EMSY: variants seen among roughly 807,000 people sequenced by gnomAD.
EMSY encodes EMSY transcriptional repressor, BRCA2 interacting.
A neutral mutation model predicts 134.6 loss-of-function variants in EMSY; 26 were observed. The observed-to-expected ratio is 0.19, with a 90% CI of 0.14 to 0.27. The LOEUF is 0.27. EMSY is among the 10% of genes least tolerant of loss of function. EMSY has a pLI of 1.00. For missense variants in EMSY, 1,305 were observed against 1,611.4 expected (o/e 0.81, Z 3.26); for synonymous variants, 579 against 577.8 (o/e 1.00, Z -0.03).
chr11:76,489,527 C>A (rs1454156953), intron 8 of EMSY, among the ~76,000 whole-genome samples: 2 of 151,860 alleles, frequency 1.3e-5, no homozygotes, highest in Non-Finnish European at 2.9e-5. Flanking sequence ...TTGATGTTAT[C>A]ACCAGTGTTT....
chr11:76,463,995 C>T (rs768688597), exon 7 of EMSY: 1 of 1,614,190 alleles, frequency 6.2e-7, no homozygotes, highest in Admixed American at 1.7e-5. Flanking sequence ...CAGAGCATTG[C>T]CAACTCCTTA....
At chr11:76,503,300 C>CAAAAAAAAAAAAA in intron 9 of EMSY, among the ~76,000 whole-genome samples, 2 of 70,784 alleles carry the variant, frequency 2.8e-5, no homozygotes, top group Non-Finnish European at 5.2e-5. Flanking sequence ...GGCGTGGTCT[C>CAAAAAAAAAAAAA]AAAAAAAAAA....
In EMSY at chr11:76,523,130, C is replaced by T. The variant is rs771554230; in HGVS notation, c.1685-25C>T. 15 of 1,598,212 alleles carry T rather than the reference C, an allele frequency of 9.4e-6. No individual in the cohort carries two copies. The East Asian group carries it at 3.1e-4, about 33-fold the overall frequency. On this transcript the variant is annotated intron_variant, in intron 11 of 20. Transcript: ENST00000334736. Reference sequence around the variant, plus strand: ...AGTATCTCTAGTCCTTAACTCAGGCCTCCTTTTCTTCCCCCTTTTCTAAGG... The same window carrying T: ...AGTATCTCTAGTCCTTAACTCAGGCTTCCTTTTCTTCCCCCTTTTCTAAGG...
At chr11:76,464,111 A>G (rs545309881) in intron 7 of EMSY, 31 bp downstream of exon 8, 3 of 1,612,398 alleles carry the variant, frequency 1.9e-6, no homozygotes, top group South Asian at 1.1e-5. Context: ...CTGCCTGCCA[A>G]TTGTTTCTTT....
At chr11:76,448,783 C>T (rs1306532480) in intron 2 of EMSY, among the ~76,000 whole-genome samples, 4 of 151,754 alleles carry the variant, frequency 2.6e-5, no homozygotes, top group African/African-American at 7.3e-5. Flanking sequence ...ACTCTAGGTC[C>T]AAAGTTTAGA....
At chr11:76,465,822 A>G (rs1030175682) in intron 7 of EMSY, among the ~76,000 whole-genome samples, 6 of 152,220 alleles carry the variant, frequency 3.9e-5, no homozygotes, top group Non-Finnish European at 8.8e-5. Flanking sequence ...CTCTGTGTGT[A>G]TGGGTGGGAC....
intron 4 of EMSY, among the ~76,000 whole-genome samples, chr11:76,455,941 G>C (rs553375983): frequency 6.6e-5 from 10 of 152,144 alleles, no homozygotes; most frequent in Non-Finnish European, 1.5e-4. Flanking sequence ...CAGGATACTG[G>C]GTCAGTTTCT....
chr11:76,462,147 G>C (rs182070816), intron 6 of EMSY, among the ~76,000 whole-genome samples: 1 of 152,230 alleles, frequency 6.6e-6, no homozygotes, highest in African/African-American at 2.4e-5. Context: ...GCTGAGGCAG[G>C]AGAATCACTT....
chr11:76,531,792 C>T (rs186296630), intron 14 of EMSY, among the ~76,000 whole-genome samples: 5 of 152,260 alleles, frequency 3.3e-5, no homozygotes, highest in Admixed American at 3.3e-4. Context: ...TGGCATTCCA[C>T]TATAAGGAAA....
chr11:76,542,760 T>G (rs79965708), intron 18 of EMSY, among the ~76,000 whole-genome samples: 9 of 74,238 alleles, frequency 1.2e-4, no homozygotes, highest in Non-Finnish European at 1.7e-4. Flanking sequence ...TTTGTTTTTT[T>G]TTTTTTTTGC....
At chr11:76,458,463 T>A in intron 5 of EMSY, 105 bp downstream of exon 6, 1 of 1,188,210 alleles carries the variant, frequency 8.4e-7, no homozygotes, top group Non-Finnish European at 1.1e-6. Context: ...TTCTAGTGTT[T>A]AAAGGTTATG....
chr11:76,468,015 A>G (rs1948427949), intron 7 of EMSY, among the ~76,000 whole-genome samples: 1 of 151,862 alleles, frequency 6.6e-6, no homozygotes, highest in Admixed American at 6.6e-5. Flanking sequence ...TTAACGTAGT[A>G]CATACAGTGA....
chr11:76,497,338 A>G (rs1949695993), intron 9 of EMSY: 2 of 152,150 alleles, frequency 1.3e-5, no homozygotes, highest in South Asian at 4.1e-4. Flanking sequence ...GCCTTTGTCC[A>G]ATTTTGGTCA....
chr11:76,495,474 A>C (rs1032543077), intron 8 of EMSY, among the ~76,000 whole-genome samples: 13 of 152,206 alleles, frequency 8.5e-5, no homozygotes, highest in African/African-American at 2.7e-4. Context: ...AACCTGCGAG[A>C]GGGAAGAATA....
chr11:76,540,205 G>T (rs1951381986), intron 17 of EMSY, among the ~76,000 whole-genome samples: 1 of 152,080 alleles, frequency 6.6e-6, no homozygotes, highest in African/African-American at 2.4e-5. Flanking sequence ...GGTGGTAGAA[G>T]TGTTCCATAT....
intron 9 of EMSY, among the ~76,000 whole-genome samples, chr11:76,510,124 G>T (rs1950222128): frequency 6.6e-6 from 1 of 152,220 alleles, no homozygotes; most frequent in African/African-American, 2.4e-5. Context: ...GGAGGCCAAG[G>T]CAGGGGGACT....
At chr11:76,491,856 G>A (rs1949438790) in intron 8 of EMSY, among the ~76,000 whole-genome samples, 1 of 152,216 alleles carries the variant, frequency 6.6e-6, no homozygotes, top group Non-Finnish European at 1.5e-5. Context: ...TAGCTGCCTA[G>A]CTGTCCATCC....
intron 8 of EMSY, among the ~76,000 whole-genome samples, chr11:76,494,920 G>A (rs2135779034): frequency 6.6e-6 from 1 of 152,198 alleles, no homozygotes; most frequent in East Asian, 1.9e-4. Flanking sequence ...ATTTTTAGTA[G>A]AGATGGGGTT....
At chr11:76,550,139 G>A (rs756214992) in exon 21 of EMSY, 12 of 1,609,856 alleles carry the variant, frequency 7.5e-6, no homozygotes, top group East Asian at 2.2e-5. Flanking sequence ...TCTGCTGAAC[G>A]GTCCTAGTGT....
Sources: gnomAD v4.1 joint callset for allele counts (sites outside exome capture counted in the v4.1 genomes callset) on GRCh38, gnomAD v4.1.1 for gene constraint, MANE v1.5 for transcripts, NCBI Gene and HGNC (gene_info 2026-07-23, HGNC 2026-07-21) for gene names.